Variants in PCDH7 observed in about 807,000 individuals in gnomAD.
PCDH7 encodes protocadherin 7, also known as protocadherin-7.
Under a neutral mutation model 58.9 loss-of-function variants are expected in PCDH7, and 17 were observed. The observed-to-expected ratio is 0.29, with a 90% CI of 0.20 to 0.43. The LOEUF (loss-of-function observed/expected upper bound fraction) is 0.43, where lower values mean the gene tolerates loss of function less well. PCDH7 is among the 20% of genes least tolerant of loss of function. The pLI is 1.00. For missense variants in PCDH7, 1,274 were observed against 1,441.0 expected, an observed-to-expected ratio of 0.88 and a Z score of 1.88; for synonymous variants, 664 against 616.4, an observed-to-expected ratio of 1.08 and a Z score of -1.14.
At chr4:30,990,289 G>T (rs879194325) in intron 3 of PCDH7, among the ~76,000 whole-genome samples, 1 of 151,526 alleles carries the variant, frequency 6.6e-6, no homozygotes, top group Admixed American at 6.6e-5. Context: ...ATATATGTAT[G>T]TACACAGACT....
At position 30,840,588 on chromosome 4, in the gene PCDH7, A is replaced by G. The variant is rs375122336; in HGVS notation, c.71-79565A>G. Among the ~76,000 whole-genome samples, 30 of 152,308 alleles carry G rather than the reference A, an allele frequency of 2.0e-4. No homozygotes were observed. In the East Asian group the frequency reaches 3.3e-3, roughly 17 times the overall value. On this transcript the variant is annotated intron_variant, in intron 1 of 3. Transcript: ENST00000509759. ...AGATATTTTTATAGAAACAATAATGAGAAAAAAAATGGATTTCTCCAAGCT... is the reference window on the plus strand; with the variant it reads ...AGATATTTTTATAGAAACAATAATGGGAAAAAAAATGGATTTCTCCAAGCT...
chr4:31,089,054 T>G (rs1481814879), intron 3 of PCDH7, among the ~76,000 whole-genome samples: 1 of 152,060 alleles, frequency 6.6e-6, no homozygotes, highest in African/African-American at 2.4e-5. Context: ...CTTCTAATTC[T>G]GACTCAGTCA....
chr4:31,120,786 C>T (rs2109323258), intron 3 of PCDH7, among the ~76,000 whole-genome samples: 1 of 152,214 alleles, frequency 6.6e-6, no homozygotes, highest in Middle Eastern at 3.4e-3. Context: ...AATCCTTTTA[C>T]CTCTTTCACT....
At chr4:30,933,590 C>T (rs998019405) in intron 2 of PCDH7, among the ~76,000 whole-genome samples, 5 of 152,032 alleles carry the variant, frequency 3.3e-5, no homozygotes, top group Admixed American at 2.0e-4. Flanking sequence ...AGCTTTAGGC[C>T]TGCTTATATA....
chr4:30,722,498 G>T lies in PCDH7; in HGVS notation c.1076G>T (p.Arg359Leu), dbSNP rs760195070. 16 of 1,609,626 alleles carry T rather than the reference G, an allele frequency of 9.9e-6. No individual in the cohort carries two copies. In the South Asian group the frequency reaches 1.3e-4, roughly 13 times the overall value. ...ACCGAGTCGGTGAGGCGGCTGCTGC[G>T]CCTTGACGAGACGTCCGGCTGGCTC... Residue 359 changes from arginine to leucine, a missense_variant, in exon 1 of 2, where the codon CGC becomes CTC. By Grantham distance (102) the Arg-to-Leu change is moderately radical. Transcript: ENST00000361762. This position sits in a 1 kb window ranked among gnomAD's most constrained non-coding sequence, Gnocchi z 7.6.
intron 3 of PCDH7, among the ~76,000 whole-genome samples, chr4:31,087,743 C>T (rs949452157): frequency 6.6e-6 from 1 of 151,994 alleles, no homozygotes; most frequent in Non-Finnish European, 1.5e-5. Context: ...CATCTTGTCG[C>T]CGTTTTTGCA....
At chr4:30,873,633 A>G (rs2109364042) in intron 1 of PCDH7, among the ~76,000 whole-genome samples, 1 of 152,110 alleles carries the variant, frequency 6.6e-6, no homozygotes, top group East Asian at 1.9e-4. Context: ...ATGGTTTTGC[A>G]GTCTGATATT....
intron 3 of PCDH7, among the ~76,000 whole-genome samples, chr4:31,129,242 G>C (rs1718674224): frequency 6.6e-6 from 1 of 152,160 alleles, no homozygotes; most frequent in Admixed American, 6.5e-5. Flanking sequence ...TAAGTGCTAA[G>C]AAGAGGTAGG....
chr4:30,965,886 A>G (rs1364799786), intron 3 of PCDH7, among the ~76,000 whole-genome samples: 2 of 152,140 alleles, frequency 1.3e-5, no homozygotes, highest in East Asian at 1.9e-4. Flanking sequence ...CAGCCAAGTT[A>G]TTATGGATAA....
At chr4:30,985,541 G>A (rs926026513) in intron 3 of PCDH7, among the ~76,000 whole-genome samples, 2 of 151,908 alleles carry the variant, frequency 1.3e-5, no homozygotes, top group African/African-American at 4.8e-5. Context: ...TTGTGACCTT[G>A]GACAATTTAT....
At chr4:30,724,467 A>G (rs555134264) in exon 1 of PCDH7, 2 of 1,614,052 alleles carry the variant, frequency 1.2e-6, no homozygotes, top group East Asian at 2.2e-5. Flanking sequence ...CAACTGCAGG[A>G]AAAAAACACC....
At chr4:31,091,980 C>T (rs1004261406) in intron 3 of PCDH7, among the ~76,000 whole-genome samples, 5 of 151,764 alleles carry the variant, frequency 3.3e-5, no homozygotes, top group African/African-American at 1.2e-4. Context: ...TTCTGGTGGT[C>T]GTCTGAGTAA....
chr4:31,058,833 G>A (rs983347422), intron 3 of PCDH7, among the ~76,000 whole-genome samples: 1 of 151,902 alleles, frequency 6.6e-6, no homozygotes, highest in African/African-American at 2.4e-5. Flanking sequence ...TCGAAAGGAG[G>A]ACAATAGAAT....
Position 30,856,707 on chromosome 4 carries a change from A to G in PCDH7, c.71-63446A>G, listed in dbSNP as rs2871475. Among the ~76,000 whole-genome samples the G allele has an allele frequency of 2.0e-4, 29 of 142,472 alleles. No individual in the cohort carries two copies. In the South Asian group the frequency reaches 6.1e-3, roughly 30 times the overall value. The allele number at this position is 142,472 out of a possible 152,430, so 93.5% of individuals were successfully genotyped here. Reference sequence around the variant, plus strand: ...TACTGATATCAGAAAAAAAAAAAAAAATATATATATATATACATGCTTTAA... The same window carrying G: ...TACTGATATCAGAAAAAAAAAAAAAGATATATATATATATACATGCTTTAA... On this transcript the variant is annotated intron_variant, in intron 1 of 3. Transcript: ENST00000509759.
At chr4:31,065,552 C>A (rs767564662) in intron 3 of PCDH7, among the ~76,000 whole-genome samples, 5 of 151,800 alleles carry the variant, frequency 3.3e-5, no homozygotes, top group Non-Finnish European at 7.4e-5. Flanking sequence ...AACATGCAGT[C>A]TGTTGGTTAG....
chr4:31,080,816 T>C (rs1277991463), intron 3 of PCDH7, among the ~76,000 whole-genome samples: 1 of 152,148 alleles, frequency 6.6e-6, no homozygotes, highest in East Asian at 1.9e-4. Context: ...ATAATTCCCA[T>C]GTGTTGTGGG....
chr4:30,871,976 A>C (rs1252705928), intron 1 of PCDH7, among the ~76,000 whole-genome samples: 1 of 152,028 alleles, frequency 6.6e-6, no homozygotes, highest in Non-Finnish European at 1.5e-5. Context: ...TTCTTCGGAC[A>C]CTAGTCATAT....
At chr4:30,901,499 A>G (rs1263995224) in intron 1 of PCDH7, among the ~76,000 whole-genome samples, 1 of 152,170 alleles carries the variant, frequency 6.6e-6, no homozygotes, top group African/African-American at 2.4e-5. Context: ...TGGTTCAGAC[A>G]TCAATATTTT....
chr4:30,956,393 C>T (rs1266907012), intron 3 of PCDH7, among the ~76,000 whole-genome samples: 1 of 152,068 alleles, frequency 6.6e-6, no homozygotes, highest in African/African-American at 2.4e-5. Flanking sequence ...TACTTGTTAG[C>T]CAATGCTGTA....
Sources: allele counts gnomAD v4.1 joint callset (sites outside exome capture counted in the v4.1 genomes callset), GRCh38; gene constraint gnomAD v4.1.1; non-coding constraint Gnocchi (gnomAD v3.1); transcripts MANE v1.5; gene names NCBI Gene and HGNC (gene_info 2026-07-23, HGNC 2026-07-21).